Variants in TMEM19 observed in about 807,000 individuals in gnomAD.
The protein encoded by TMEM19 is transmembrane protein 19.
Under a neutral mutation model 33.6 loss-of-function variants are expected in TMEM19, and 21 were observed. The observed-to-expected ratio is 0.62, with a 90% CI of 0.44 to 0.90. The LOEUF is 0.90. TMEM19 is among the 40% of genes least tolerant of loss of function. The pLI is 0.00. For missense variants in TMEM19, 402 were observed against 401.8 expected, an observed-to-expected ratio of 1.00 and a Z score of 0.00; for synonymous variants, 149 against 147.5, an observed-to-expected ratio of 1.01 and a Z score of -0.07.
Position 71,701,248 on chromosome 12 carries a change from A to G in TMEM19, c.*253A>G, listed in dbSNP as rs377147118. The G allele has an allele frequency of 3.1e-4, 103 of 329,266 alleles. 1 individual carries two copies. In the East Asian group the frequency reaches 3.5e-3, roughly 11 times the overall value. The allele number at this position is 329,266 out of a possible 1,614,324, so 20.4% of individuals were successfully genotyped here. A position where few individuals can be genotyped will look rare whatever the true frequency, so the allele number is the denominator to read the frequency against. ...AATGGAAGTCTTGAGCAATGAAGCT[A>G]TATTGTCCCTACATATTACTATATA... On this transcript the variant is annotated 3_prime_UTR_variant, in exon 6 of 6. Coordinates refer to ENST00000266673, the MANE Select transcript of TMEM19 (RefSeq NM_018279.4).
In TMEM19 at chr12:71,703,851, G is replaced by C. The variant is rs1262793606; in HGVS notation, c.*2856G>C. 7.3e-6 allele frequency: 2 copies of C among 272,150 alleles called. No individual in the cohort carries two copies. The highest frequency in any genetic ancestry group is 8.4e-5 in the East Asian group (1 of 11,856). The allele number at this position is 272,150 out of a possible 1,614,324, so 16.9% of individuals were successfully genotyped here. ...GGTTTTCATAGCTTTTTGGAGATGA[G>C]AATTGAGGATAAGAAATTGTGTCTC... On this transcript the variant is annotated 3_prime_UTR_variant, in exon 6 of 6. Coordinates refer to ENST00000266673, the MANE Select transcript of TMEM19 (RefSeq NM_018279.4).
At position 71,701,355 on chromosome 12, in the gene TMEM19, A is replaced by C; in HGVS notation, c.*360A>C. The stretch of plus-strand genomic sequence containing the variant: ...TGTTTAAACCAGTGTAGGAAATAAA[A>C]GTGATGATATTTAAAATAGTTCTCA... On this transcript the variant is annotated 3_prime_UTR_variant, in exon 6 of 6. Transcript: ENST00000266673. 6.2e-6 allele frequency: 1 copy of C among 161,196 alleles called. No homozygotes were observed. Among genetic ancestry groups the C allele is most frequent in the Non-Finnish European group, 1.4e-5 (1 of 73,564 alleles). 10.0% of individuals were successfully genotyped at this position (161,196 alleles called of 1,614,324 possible). A position where few individuals can be genotyped will look rare whatever the true frequency, so the allele number is the denominator to read the frequency against.
At chr12:71,697,628 A>G (rs1881898762) in intron 4 of TMEM19, 94 bp downstream of exon 4, 25 of 1,466,466 alleles carry the variant, frequency 1.7e-5, no homozygotes, top group Non-Finnish European at 2.1e-5. Flanking sequence ...TCTTGATGTA[A>G]TGTATTTTAG....
Position 71,689,653 on chromosome 12 carries a change from G to A in TMEM19, c.193G>A (p.Val65Ile), listed in dbSNP as rs541328998. The change falls in exon 2 of 6, where the codon GTC (valine) becomes ATC (isoleucine). Residue 65 changes from valine (V) to isoleucine (I), a missense_variant. Transcript: ENST00000266673. ...LFSVVVPVLI[V>I]SNGLKKKSLD... Reference sequence around the variant, plus strand: ...TTCTGTTGTTGTTCCTGTTCTGATCGTCTCTAATGGCCTTAAAAAGAAAAG... The same window carrying A: ...TTCTGTTGTTGTTCCTGTTCTGATCATCTCTAATGGCCTTAAAAAGAAAAG... 2.2e-5 allele frequency: 35 copies of A among 1,613,996 alleles called. No individual in the cohort carries two copies. The highest frequency in any genetic ancestry group is 6.7e-5 in the Admixed American group (4 of 60,008).
chr12:71,689,818 A>G, intron 2 of TMEM19, 114 bp downstream of exon 2: 2 of 714,618 alleles, frequency 2.8e-6, no homozygotes, highest in Admixed American at 6.2e-5. Context: ...ACAGTTATAT[A>G]TTTTAGACAA....
At position 71,702,663 on chromosome 12, in the gene TMEM19, A is replaced by G. The variant is rs887047516; in HGVS notation, c.*1668A>G. 6.6e-6 allele frequency: 1 copy of G among 152,188 alleles called. No homozygotes were observed. The highest frequency in any genetic ancestry group is 2.4e-5 in the African/African-American group (1 of 41,434). 9.4% of individuals were successfully genotyped at this position (152,188 alleles called of 1,614,324 possible). ...ACTGATGTCTGGGTTTCACACTGCA[A>G]AATTCTGATTTATCTGATCTAAGGT... On this transcript the variant is annotated 3_prime_UTR_variant, in exon 6 of 6. Coordinates refer to ENST00000266673, the MANE Select transcript of TMEM19 (RefSeq NM_018279.4).
At chr12:71,695,960 A>G (rs1173284054) in intron 2 of TMEM19, among the ~76,000 whole-genome samples, 2 of 152,198 alleles carry the variant, frequency 1.3e-5, no homozygotes, top group African/African-American at 2.4e-5. Context: ...GGAAGGGTCA[A>G]TGAGTAACTA....
In TMEM19 at chr12:71,702,987, C is replaced by T. The variant is rs1430834454; in HGVS notation, c.*1992C>T. 1 of 151,814 alleles carries T rather than the reference C, an allele frequency of 6.6e-6. No individual in the cohort carries two copies. The highest frequency in any genetic ancestry group is 1.5e-5 in the Non-Finnish European group (1 of 68,008). The allele number at this position is 151,814 out of a possible 1,614,324, so 9.4% of individuals were successfully genotyped here. On this transcript the variant is annotated 3_prime_UTR_variant, in exon 6 of 6. Coordinates refer to ENST00000266673, the MANE Select transcript of TMEM19 (RefSeq NM_018279.4). ...TTGAGGTCAGGAGTTCGAGACCAGC[C>T]TGGCCAACATGGTGAAACACCGTCT...
Position 71,700,888 on chromosome 12 carries a change from A to G in TMEM19, c.904A>G (p.Ile302Val). The G allele has an allele frequency of 1.2e-6, 2 of 1,613,798 alleles. No homozygotes were observed. The highest frequency in any genetic ancestry group is 1.7e-6 in the Non-Finnish European group (2 of 1,179,814). Residue 302 changes from isoleucine (I) to valine (V), a missense_variant, in exon 6 of 6, where the codon ATA (isoleucine) becomes GTA (valine). Coordinates refer to ENST00000266673, the MANE Select transcript of TMEM19 (RefSeq NM_018279.4). ...VNSPTNKARH[I>V]AGKPILDNNA... ...CAGCCCAACAAATAAGGCAAGGCAC[A>G]TAGCAGGGAAACCCATTCTTGATAA...
Position 71,696,418 on chromosome 12 carries a change from T to G in TMEM19, c.245-18T>G. 1.3e-6 allele frequency: 2 copies of G among 1,578,534 alleles called. No individual in the cohort carries two copies. The highest frequency in any genetic ancestry group is 2.4e-5 in the South Asian group (2 of 84,752). On this transcript the variant is annotated intron_variant, in intron 2 of 5. Coordinates refer to ENST00000266673, the MANE Select transcript of TMEM19 (RefSeq NM_018279.4). ...TATGAATTGAATATAATTCTGTGTT[T>G]ATATATGTTTCTTTCAGGGCTAGTC...
chr12:71,689,636 T>TTGTTCC lies in TMEM19; in HGVS notation c.182_187dup (p.Pro61_Val62dup). The TTGTTCC allele has an allele frequency of 6.2e-7, 1 of 1,614,192 alleles. No individual in the cohort carries two copies. The highest frequency in any genetic ancestry group is 8.5e-7 in the Non-Finnish European group (1 of 1,180,026). Reference sequence around the variant, plus strand: ...CCGTGGCGTTGGCTGTTTTCTGTTGTTGTTCCTGTTCTGATCGTCTCTAAT... The same window carrying TTGTTCC: ...CCGTGGCGTTGGCTGTTTTCTGTTGTTGTTCCTGTTCCTGTTCTGATCGTCTCTAAT... On this transcript the variant is annotated inframe_insertion, in exon 2 of 6. Coordinates refer to ENST00000266673, the MANE Select transcript of TMEM19 (RefSeq NM_018279.4).
Position 71,701,237 on chromosome 12 carries a change from G to T in TMEM19, c.*242G>T. ...TTTTCCTGCTGAATGGAAGTCTTGA[G>T]CAATGAAGCTATATTGTCCCTACAT... On this transcript the variant is annotated 3_prime_UTR_variant, in exon 6 of 6. Transcript: ENST00000266673. 1 of 359,638 alleles carries T rather than the reference G, an allele frequency of 2.8e-6. No homozygotes were observed. The highest frequency in any genetic ancestry group is 5.0e-6 in the Non-Finnish European group (1 of 199,804). The allele number at this position is 359,638 out of a possible 1,614,324, so 22.3% of individuals were successfully genotyped here.
At position 71,692,079 on chromosome 12, in the gene TMEM19, T is replaced by C. The variant is rs866278859; in HGVS notation, c.244+2375T>C. Among the ~76,000 whole-genome samples, 10 of 152,348 alleles carry C rather than the reference T, an allele frequency of 6.6e-5. No individual in the cohort carries two copies. In the East Asian group the frequency reaches 1.2e-3, roughly 18 times the overall value. Reference sequence around the variant, plus strand: ...TTATGAAATACCTCCAATAGTAATATCTTATGGACTTATTGGTAAATCTCA... The same window carrying C: ...TTATGAAATACCTCCAATAGTAATACCTTATGGACTTATTGGTAAATCTCA... On this transcript the variant is annotated intron_variant, in intron 2 of 5. Transcript: ENST00000266673.
chr12:71,694,173 T>A (rs1038245963), intron 2 of TMEM19, among the ~76,000 whole-genome samples: 11 of 152,210 alleles, frequency 7.2e-5, no homozygotes, highest in African/African-American at 2.7e-4. Flanking sequence ...AGGGGTTCAG[T>A]CACAGTCAGT....
intron 2 of TMEM19, among the ~76,000 whole-genome samples, chr12:71,693,067 T>G (rs375407131): frequency 6.6e-6 from 1 of 151,962 alleles, no homozygotes; most frequent in East Asian, 2.0e-4. Context: ...TGGTGACAGG[T>G]GCCTGTAATC....
At position 71,689,715 on chromosome 12, in the gene TMEM19, A is replaced by G; in HGVS notation, c.244+11A>G. On this transcript the variant is annotated intron_variant, in intron 2 of 5. Transcript: ENST00000266673. ...GTGGGGCTCTAGGAGGTATGTTTTTATTTTGAATGTTTACAGTAACTACTA... is the reference window on the plus strand; with the variant it reads ...GTGGGGCTCTAGGAGGTATGTTTTTGTTTTGAATGTTTACAGTAACTACTA... 6.3e-7 allele frequency: 1 copy of G among 1,582,364 alleles called. No individual in the cohort carries two copies. Among genetic ancestry groups the G allele is most frequent in the Non-Finnish European group, 8.7e-7 (1 of 1,154,184 alleles).
At chr12:71,687,977 C>G (rs1881721848) in intron 1 of TMEM19, among the ~76,000 whole-genome samples, 1 of 152,126 alleles carries the variant, frequency 6.6e-6, no homozygotes, top group South Asian at 2.1e-4. Context: ...GCAGTTCGTT[C>G]ATAATGATTC....
chr12:71,698,825 A>G, intron 4 of TMEM19, 75 bp from the exon 5 acceptor site: 1 of 1,286,730 alleles, frequency 7.8e-7, no homozygotes, highest in South Asian at 1.3e-5. Flanking sequence ...TTGATTAGAT[A>G]GGTACCTTGC....
Position 71,698,928 on chromosome 12 carries a change from C to T in TMEM19, c.666C>T (p.Gly222=). 6.2e-7 allele frequency: 1 copy of T among 1,614,132 alleles called. No individual in the cohort carries two copies. Among genetic ancestry groups the T allele is most frequent in the Non-Finnish European group, 8.5e-7 (1 of 1,180,022 alleles). ...VGTNGGVTVV[G]LVSSLLGGTF... Reference sequence around the variant, plus strand: ...CCAATGGAGGAGTTACAGTGGTGGGCCTTGTCTCCAGTCTCCTTGGTGGTA... The same window carrying T: ...CCAATGGAGGAGTTACAGTGGTGGGTCTTGTCTCCAGTCTCCTTGGTGGTA... Residue 222 remains glycine, a synonymous_variant, in exon 5 of 6, where the codon GGC becomes GGT. Coordinates refer to ENST00000266673, the MANE Select transcript of TMEM19 (RefSeq NM_018279.4).
Sources: gnomAD v4.1 joint callset for allele counts (sites outside exome capture counted in the v4.1 genomes callset) on GRCh38, gnomAD v4.1.1 for gene constraint, MANE v1.5 for transcripts, NCBI Gene and HGNC (gene_info 2026-07-23, HGNC 2026-07-21) for gene names.